The following PTPRN2 variants were observed in gnomAD, a reference collection of about 807,000 sequenced individuals.
The protein encoded by PTPRN2 is protein tyrosine phosphatase receptor type N2.
In PTPRN2, 74 loss-of-function variants were observed where a neutral mutation model predicts 118.8. The ratio of observed to expected loss-of-function variants is 0.62; its 90% CI spans 0.52 to 0.76. The LOEUF (loss-of-function observed/expected upper bound fraction) is 0.76. PTPRN2 is among the 30% of genes least tolerant of loss of function. PTPRN2 has a pLI of 0.00. For missense variants in PTPRN2, 1,481 were observed against 1,394.4 expected, an observed-to-expected ratio of 1.06 and a Z score of -0.99; for synonymous variants, 641 against 608.0, an observed-to-expected ratio of 1.05 and a Z score of -0.80.
intron 2 of PTPRN2, among the ~76,000 whole-genome samples, chr7:158,435,927 G>A (rs1391844201): frequency 1.3e-5 from 2 of 152,170 alleles, no homozygotes; most frequent in Admixed American, 6.5e-5. Flanking sequence ...GGTCGGGGCA[G>A]GGTGAGGTAT....
chr7:158,159,768 C>A lies in PTPRN2; in HGVS notation c.910+7163G>T, dbSNP rs1271890938. 2.0e-5 allele frequency among the ~76,000 whole-genome samples: 3 copies of A among 152,052 alleles called. No individual in the cohort carries two copies. The East Asian group carries it at 5.8e-4, about 29-fold the overall frequency. On this transcript the variant is annotated intron_variant, in intron 6 of 22. Coordinates refer to ENST00000389418, the MANE Select transcript of PTPRN2 (RefSeq NM_002847.5). ...CTTGAGCTGAAAGTATGGCATTACACAAGTACCGTATCTATATGAAAAAAA... is the reference window on the plus strand; with the variant it reads ...CTTGAGCTGAAAGTATGGCATTACAAAAGTACCGTATCTATATGAAAAAAA...
rs183947006 is a variant in PTPRN2 at position 157,852,733 on chromosome 7, G to C, written c.1788+45940C>G. 3.5e-3 allele frequency among the ~76,000 whole-genome samples: 532 copies of C among 152,148 alleles called. 10 individuals are homozygous for C. Among genetic ancestry groups the C allele is most frequent in the Admixed American group, 0.029 (446 of 15,290 alleles). ...AAAACACAAAAATTAGCTGGGTGTG[G>C]TGGTGGGCGCCTGTAATCCCAGCTA... is the stretch of plus-strand genomic sequence containing the variant. On this transcript the variant is annotated intron_variant, in intron 12 of 22. Transcript: ENST00000389418.
At position 158,244,849 on chromosome 7, in the gene PTPRN2, G is replaced by A. The variant is rs114146782; in HGVS notation, c.278-39576C>T. ...GTGAGTTGTGCACATGTGAGTGTAT[G>A]GGGGGCGTGTGTTATATAAAATATT... is the stretch of plus-strand genomic sequence containing the variant. On this transcript the variant is annotated intron_variant, in intron 3 of 22. Transcript: ENST00000389418. Among the ~76,000 whole-genome samples, 417 of 151,322 alleles carry A rather than the reference G, an allele frequency of 2.8e-3. 3 individuals carry two copies. Among genetic ancestry groups the A allele is most frequent in the African/African-American group, 9.1e-3 (369 of 40,694 alleles).
At position 157,615,732 on chromosome 7, in the gene PTPRN2, A is replaced by T. The variant is rs974933755; in HGVS notation, c.2344+5630T>A. 9.9e-6 allele frequency: 4 copies of T among 405,500 alleles called. No homozygotes were observed. Among genetic ancestry groups the T allele is most frequent in the Non-Finnish European group, 2.0e-5 (4 of 195,962 alleles). The allele number at this position is 405,500 out of a possible 1,614,324, so 25.1% of individuals were successfully genotyped here. Reference sequence around the variant, plus strand: ...AGGGAGGTGACGCAGTGACTCAGGAACCACAAGCTCTGGAGGCTGAACGAG... The same window carrying T: ...AGGGAGGTGACGCAGTGACTCAGGATCCACAAGCTCTGGAGGCTGAACGAG... On this transcript the variant is annotated intron_variant, in intron 15 of 22. Coordinates refer to ENST00000389418, the MANE Select transcript of PTPRN2 (RefSeq NM_002847.5). This position sits in a 1 kb window ranked among gnomAD's most constrained non-coding sequence, Gnocchi z 4.3.
At chr7:157,705,320 C>G (rs566701190) in intron 12 of PTPRN2, among the ~76,000 whole-genome samples, 53 of 152,142 alleles carry the variant, frequency 3.5e-4, no homozygotes, top group Non-Finnish European at 6.5e-4. Context: ...CAAAACACAA[C>G]AAAACAAAAC....
intron 2 of PTPRN2, among the ~76,000 whole-genome samples, chr7:158,489,318 A>C (rs1023130241): frequency 6.6e-6 from 1 of 152,190 alleles, no homozygotes; most frequent in African/African-American, 2.4e-5. Flanking sequence ...GCAGTGGCGC[A>C]CGCCTGTAAT....
chr7:158,203,991 C>A (rs940343298), intron 4 of PTPRN2, among the ~76,000 whole-genome samples: 1 of 149,792 alleles, frequency 6.7e-6, no homozygotes, highest in Non-Finnish European at 1.5e-5. Context: ...TCAGTGTGCG[C>A]CATGTTCTGG....
chr7:158,486,262 C>G (rs1283871819), intron 2 of PTPRN2, among the ~76,000 whole-genome samples: 1 of 152,216 alleles, frequency 6.6e-6, no homozygotes, highest in Non-Finnish European at 1.5e-5. Context: ...ACCAGCAGGG[C>G]GTGAAAGCGA....
intron 12 of PTPRN2, among the ~76,000 whole-genome samples, chr7:157,735,393 C>G (rs1412601685): frequency 6.6e-6 from 1 of 152,202 alleles, no homozygotes; most frequent in Non-Finnish European, 1.5e-5. Context: ...TCCAAGTCAT[C>G]AGAGAGCGGC....
At chr7:157,817,708 C>T (rs763114011) in intron 12 of PTPRN2, among the ~76,000 whole-genome samples, 4 of 152,204 alleles carry the variant, frequency 2.6e-5, no homozygotes, top group Non-Finnish European at 5.9e-5. Flanking sequence ...CCTGGCTGCC[C>T]TGCAGAGGGT....
chr7:158,395,682 C>T lies in PTPRN2; in HGVS notation c.164-78750G>A, dbSNP rs1337402538. Among the ~76,000 whole-genome samples, 2 of 21,470 alleles carry T rather than the reference C, an allele frequency of 9.3e-5. 1 individual carries two copies. The highest frequency in any genetic ancestry group is 1.6e-4 in the Non-Finnish European group (2 of 12,746). 14.1% of individuals were successfully genotyped at this position (21,470 alleles called of 152,430 possible). A position where few individuals can be genotyped will look rare whatever the true frequency, so the allele number is the denominator to read the frequency against. On this transcript the variant is annotated intron_variant, in intron 2 of 22. Transcript: ENST00000389418. ...GGGGCGAGGGGCGAGGCGCGAGGGG[C>T]GAGGCGCGAGGGGCGAGGGGCGAGG...
intron 15 of PTPRN2, among the ~76,000 whole-genome samples, chr7:157,613,126 T>C (rs1802486757): frequency 6.6e-6 from 1 of 152,018 alleles, no homozygotes; most frequent in Non-Finnish European, 1.5e-5. Context: ...CGGCCCCGTC[T>C]CCAGTCCCGC....
At chr7:157,572,549 T>A (rs1799807035) in intron 19 of PTPRN2, among the ~76,000 whole-genome samples, 3 of 152,058 alleles carry the variant, frequency 2.0e-5, no homozygotes, top group Admixed American at 1.3e-4. Flanking sequence ...GAGGTGAGTG[T>A]CCAGTGAGCA....
At chr7:158,366,101 C>A (rs1399302851) in intron 2 of PTPRN2, among the ~76,000 whole-genome samples, 1 of 142,942 alleles carries the variant, frequency 7.0e-6, no homozygotes, top group African/African-American at 2.6e-5. Flanking sequence ...ACACAGCATC[C>A]CTAGAAGCTG....
At chr7:157,635,382 T>G (rs944332327) in intron 14 of PTPRN2, among the ~76,000 whole-genome samples, 1 of 152,262 alleles carries the variant, frequency 6.6e-6, no homozygotes, top group Non-Finnish European at 1.5e-5. Flanking sequence ...CACATGGGTT[T>G]CAGGTAACAG....
chr7:157,955,474 T>C (rs4716831), intron 11 of PTPRN2, among the ~76,000 whole-genome samples: 29,626 of 151,910 alleles, frequency 0.2, 4,045 homozygotes, highest in East Asian at 0.35. Flanking sequence ...CCATTTCAAC[T>C]TCTCTGAAGG....
At chr7:158,558,560 C>T (rs1248801426) in intron 1 of PTPRN2, among the ~76,000 whole-genome samples, 8 of 151,982 alleles carry the variant, frequency 5.3e-5, no homozygotes, top group African/African-American at 1.5e-4. Flanking sequence ...GTACCTCCAG[C>T]CAATATTTCC....
chr7:158,177,240 GA>G (rs1824292031), intron 5 of PTPRN2, among the ~76,000 whole-genome samples: 1 of 152,178 alleles, frequency 6.6e-6, no homozygotes, highest in Non-Finnish European at 1.5e-5. Context: ...TCCTCATCAA[GA>G]GTTGGTTTTA....
chr7:157,865,080 G>T (rs956036741), intron 12 of PTPRN2: 1 of 152,582 alleles, frequency 6.6e-6, no homozygotes, highest in Admixed American at 6.5e-5. Context: ...GGTGGGCAGG[G>T]GGGTTGACTC....
Sources: allele counts gnomAD v4.1 joint callset (sites outside exome capture counted in the v4.1 genomes callset), GRCh38; gene constraint gnomAD v4.1.1; non-coding constraint Gnocchi (gnomAD v3.1); transcripts MANE v1.5; gene names NCBI Gene and HGNC (gene_info 2026-07-23, HGNC 2026-07-21).